Variants in CDH10 observed in about 807,000 individuals in gnomAD.
CDH10 encodes cadherin 10, also known as cadherin-10.
In CDH10, 30 loss-of-function variants were observed where a neutral mutation model predicts 73.1. The ratio of observed to expected loss-of-function variants is 0.41; its 90% CI spans 0.31 to 0.56. CDH10 has a LOEUF of 0.56. Ranked by LOEUF, CDH10 falls within the 20% of genes least tolerant of loss-of-function variation. The pLI is 0.27. For missense variants in CDH10, 815 were observed against 973.7 expected (o/e 0.84, Z 2.17); for synonymous variants, 345 against 348.2 (o/e 0.99, Z 0.10).
rs114418467 is a variant in CDH10, at chr5:24,492,760, C to T, written c.1624+57G>A. On this transcript the variant is annotated intron_variant, in intron 10 of 11. Coordinates refer to ENST00000264463, the MANE Select transcript of CDH10 (RefSeq NM_006727.5). ...GCATATATATTGCAATGGTTACACTCGGGAAATTTCCTGTTAATATCATCA... is the reference window on the plus strand; with the variant it reads ...GCATATATATTGCAATGGTTACACTTGGGAAATTTCCTGTTAATATCATCA... 409 of 776,960 alleles carry T rather than the reference C, an allele frequency of 5.3e-4. 2 individuals carry two copies. Among genetic ancestry groups the T allele is most frequent in the African/African-American group, 3.0e-3 (173 of 58,516 alleles). The allele number at this position is 776,960 out of a possible 1,614,324, so 48.1% of individuals were successfully genotyped here.
rs190243114 is a variant in CDH10 at position 24,560,547 on chromosome 5, A to G, written c.232-22873T>C. Among the ~76,000 whole-genome samples the G allele has an allele frequency of 5.3e-5, 8 of 152,164 alleles. No homozygotes were observed. The East Asian group carries it at 1.5e-3, about 29-fold the overall frequency. On this transcript the variant is annotated intron_variant, in intron 2 of 11. Coordinates refer to ENST00000264463, the MANE Select transcript of CDH10 (RefSeq NM_006727.5). ...TGGGCATTTGAATAAAACTTGATAGATTTTAAAGGATTTGCATATTTATTA... is the reference window on the plus strand; with the variant it reads ...TGGGCATTTGAATAAAACTTGATAGGTTTTAAAGGATTTGCATATTTATTA...
intron 1 of CDH10, among the ~76,000 whole-genome samples, chr5:24,642,294 G>A (rs1469605435): frequency 6.6e-6 from 1 of 152,038 alleles, no homozygotes; most frequent in Non-Finnish European, 1.5e-5. Flanking sequence ...TAGGTTAAGA[G>A]ACATAGGAAA....
intron 1 of CDH10, among the ~76,000 whole-genome samples, chr5:24,608,889 A>G (rs1746852746): frequency 6.6e-6 from 1 of 152,236 alleles, no homozygotes; most frequent in African/African-American, 2.4e-5. Flanking sequence ...AAATGTGTAC[A>G]TTGAAAAATT....
At chr5:24,600,061 T>C (rs1246016622) in intron 1 of CDH10, among the ~76,000 whole-genome samples, 1 of 152,060 alleles carries the variant, frequency 6.6e-6, no homozygotes, top group Non-Finnish European at 1.5e-5. Context: ...TCTTTATTTT[T>C]TCAAATGCCT....
intron 1 of CDH10, among the ~76,000 whole-genome samples, chr5:24,639,252 T>G (rs1747964921): frequency 2.0e-5 from 3 of 151,800 alleles, no homozygotes; most frequent in Middle Eastern, 3.4e-3. Context: ...TCCCAGAATT[T>G]ACAATGGATT....
chr5:24,613,835 CCTT>C (rs1391257969), intron 1 of CDH10, among the ~76,000 whole-genome samples: 5 of 152,070 alleles, frequency 3.3e-5, no homozygotes, highest in African/African-American at 1.2e-4. Context: ...ACTAAAAACA[CCTT>C]CTATATTTCT....
chr5:24,567,308 C>T (rs1292588782), intron 2 of CDH10, among the ~76,000 whole-genome samples: 1 of 151,468 alleles, frequency 6.6e-6, no homozygotes, highest in Non-Finnish European at 1.5e-5. Flanking sequence ...ATTAAGTTAA[C>T]ACATCCCTAG....
At chr5:24,530,738 T>C (rs1301891939) in intron 5 of CDH10, among the ~76,000 whole-genome samples, 1 of 152,038 alleles carries the variant, frequency 6.6e-6, no homozygotes, top group Non-Finnish European at 1.5e-5. Flanking sequence ...GAAAATACTT[T>C]TAGATATCAG....
At chr5:24,621,396 A>G (rs1467370531) in intron 1 of CDH10, among the ~76,000 whole-genome samples, 1 of 152,222 alleles carries the variant, frequency 6.6e-6, no homozygotes. Flanking sequence ...GCTCGCTTCC[A>G]TTTTAGTGGA....
At chr5:24,613,290 T>G (rs1747013754) in intron 1 of CDH10, 1 of 152,022 alleles carries the variant, frequency 6.6e-6, no homozygotes, top group African/African-American at 2.4e-5. Context: ...GGAAAAACAA[T>G]GCATACGTAT....
At chr5:24,604,077 T>C (rs1383668819) in intron 1 of CDH10, among the ~76,000 whole-genome samples, 1 of 152,172 alleles carries the variant, frequency 6.6e-6, no homozygotes, top group Non-Finnish European at 1.5e-5. Context: ...ATGTCTGGCA[T>C]GTGGCTCACT....
Position 24,642,112 on chromosome 5 carries a change from T to G in CDH10, c.-124+2482A>C, listed in dbSNP as rs569612038. On this transcript the variant is annotated intron_variant, in intron 1 of 11. Coordinates refer to ENST00000264463, the MANE Select transcript of CDH10 (RefSeq NM_006727.5). Reference sequence around the variant, plus strand: ...GGTTTGCATCACTGGTTTGTATTAATTGCTTACTATGAAACACTATTACTG... The same window carrying G: ...GGTTTGCATCACTGGTTTGTATTAAGTGCTTACTATGAAACACTATTACTG... Among the ~76,000 whole-genome samples, 4 of 152,244 alleles carry G rather than the reference T, an allele frequency of 2.6e-5. No homozygotes were observed. In the South Asian group the frequency reaches 6.2e-4, roughly 24 times the overall value.
chr5:24,633,232 G>A (rs35064334), intron 1 of CDH10, among the ~76,000 whole-genome samples: 91,780 of 151,352 alleles, frequency 0.61, 31,452 homozygotes, highest in Admixed American at 0.75. Flanking sequence ...TTCTTTTTAA[G>A]TATAGGTACA....
At chr5:24,578,548 C>A in intron 2 of CDH10, 1 of 281,502 alleles carries the variant, frequency 3.6e-6, no homozygotes, top group South Asian at 4.8e-5. Flanking sequence ...GAAACTCCTG[C>A]TCTGCAAATA....
In CDH10 at chr5:24,491,783, G is replaced by A. The variant is rs2111641206; in HGVS notation, c.1669C>T (p.His557Tyr). The A allele has an allele frequency of 6.2e-7, 1 of 1,604,638 alleles. No homozygotes were observed. Among genetic ancestry groups the A allele is most frequent in the Non-Finnish European group, 8.5e-7 (1 of 1,171,550 alleles). ...GGCAAGAGATAGGTACTGATTTCAT[G>A]TCTATTGAATCCATTTTTTCTGGTT... ...ILTRKNGFNR[H>Y]EISTYLLPVV... is the part of the protein sequence containing the mutation. Residue 557 changes from histidine (H) to tyrosine (Y), a missense_variant, in exon 11 of 12, where the codon CAT becomes TAT. This residue lies in a region of CDH10 where 516 missense variants were observed against 636.6 expected (regional missense o/e 0.81). Transcript: ENST00000264463.
chr5:24,597,228 T>C (rs1162804630), intron 1 of CDH10, among the ~76,000 whole-genome samples: 2 of 152,086 alleles, frequency 1.3e-5, no homozygotes, highest in African/African-American at 4.8e-5. Flanking sequence ...TCACAACTCC[T>C]GGGTCACTTG....
intron 1 of CDH10, among the ~76,000 whole-genome samples, chr5:24,611,516 C>G (rs1046188969): frequency 6.6e-6 from 1 of 152,020 alleles, no homozygotes; most frequent in Admixed American, 6.6e-5. Context: ...TGTAAAATAT[C>G]GAAAAATATA....
At chr5:24,564,894 CCTGCTCATT>C (rs1745112374) in intron 2 of CDH10, among the ~76,000 whole-genome samples, 1 of 152,074 alleles carries the variant, frequency 6.6e-6, no homozygotes. Context: ...GCAAGGCTGC[CCTGCTCATT>C]CTGCTCTCAT....
intron 2 of CDH10, among the ~76,000 whole-genome samples, chr5:24,561,042 A>T (rs1203740828): frequency 6.6e-6 from 1 of 152,142 alleles, no homozygotes; most frequent in Middle Eastern, 3.2e-3. Flanking sequence ...GTCTTGCAAT[A>T]GTGTTGAGTA....
Sources: gnomAD v4.1 joint callset for allele counts (sites outside exome capture counted in the v4.1 genomes callset) on GRCh38, gnomAD v4.1.1 for gene constraint, gnomAD v4.1.1 regional missense constraint, MANE v1.5 for transcripts, NCBI Gene and HGNC (gene_info 2026-07-23, HGNC 2026-07-21) for gene names.